The following EPB41L5 variants were observed in gnomAD, a reference collection of about 807,000 sequenced individuals.
The protein encoded by EPB41L5 is erythrocyte membrane protein band 4.1 like 5.
A neutral mutation model predicts 106.6 loss-of-function variants in EPB41L5; 55 were observed. The ratio of observed to expected loss-of-function variants is 0.52; its 90% confidence interval spans 0.42 to 0.65. The LOEUF (loss-of-function observed/expected upper bound fraction) is 0.65, where lower values mean the gene tolerates loss of function less well. Among genes scored for constraint, EPB41L5 ranks in the 30% least tolerant of loss-of-function variants. The pLI, the probability that EPB41L5 is intolerant of heterozygous loss-of-function variation, is 0.00. For missense variants in EPB41L5, 871 were observed against 882.1 expected (o/e 0.99, Z 0.16); for synonymous variants, 297 against 306.7 (o/e 0.97, Z 0.33).
At chr2:120,170,264 A>C (rs766480285) in intron 24 of EPB41L5, among the ~76,000 whole-genome samples, 1 of 152,246 alleles carries the variant, frequency 6.6e-6, no homozygotes, top group Non-Finnish European at 1.5e-5. Flanking sequence ...CTTACCACAA[A>C]ACTTAGCAGC....
chr2:120,118,080 C>G (rs991813571), intron 16 of EPB41L5, among the ~76,000 whole-genome samples: 1 of 152,090 alleles, frequency 6.6e-6, no homozygotes, highest in African/African-American at 2.4e-5. Flanking sequence ...TAGAGTTTTC[C>G]TCACTGCTAC....
chr2:120,105,979 A>C (rs1684430677), intron 16 of EPB41L5: 1 of 985,254 alleles, frequency 1.0e-6, no homozygotes, highest in Non-Finnish European at 1.2e-6. Flanking sequence ...ATTTGACTTC[A>C]CTCACTTTAA....
At chr2:120,050,270 G>C (rs1680138603) in intron 3 of EPB41L5, among the ~76,000 whole-genome samples, 1 of 152,262 alleles carries the variant, frequency 6.6e-6, no homozygotes, top group South Asian at 2.1e-4. Flanking sequence ...TTCCAGCTTG[G>C]TTCCATTCTC....
At chr2:120,169,958 C>T (rs1687599226) in intron 24 of EPB41L5, among the ~76,000 whole-genome samples, 1 of 152,116 alleles carries the variant, frequency 6.6e-6, no homozygotes, top group Non-Finnish European at 1.5e-5. Flanking sequence ...TTGGAGTAAC[C>T]ACATTGGAAA....
chr2:120,152,302 T>C (rs1686716254), intron 20 of EPB41L5, among the ~76,000 whole-genome samples: 1 of 152,236 alleles, frequency 6.6e-6, no homozygotes, highest in Non-Finnish European at 1.5e-5. Context: ...CTTCTTTCTG[T>C]TAATATGGTG....
intron 18 of EPB41L5, among the ~76,000 whole-genome samples, chr2:120,139,405 G>GA (rs1686077136): frequency 6.6e-6 from 1 of 151,948 alleles, no homozygotes; most frequent in African/African-American, 2.4e-5. Flanking sequence ...CAGAATGGTA[G>GA]AAAATATCTG....
chr2:120,077,827 A>T (rs1298192856), intron 9 of EPB41L5, among the ~76,000 whole-genome samples: 1 of 152,150 alleles, frequency 6.6e-6, no homozygotes, highest in Non-Finnish European at 1.5e-5. Context: ...ATAAAGACAT[A>T]AATTTATAAA....
intron 2 of EPB41L5, among the ~76,000 whole-genome samples, chr2:120,034,635 T>A (rs1011706123): frequency 1.3e-5 from 2 of 151,648 alleles, no homozygotes. Context: ...GCTGAGGCAG[T>A]CAAGACCAGA....
intron 16 of EPB41L5, chr2:120,105,541 A>G (rs1229416263): frequency 2.0e-6 from 2 of 985,142 alleles, no homozygotes; most frequent in Non-Finnish European, 2.4e-6. Context: ...TAGAAGACCT[A>G]AATAAGCAGA....
intron 16 of EPB41L5, chr2:120,108,504 G>C (rs939013105): frequency 2.0e-5 from 3 of 152,106 alleles, no homozygotes; most frequent in South Asian, 4.2e-4. Flanking sequence ...AATAATAAAT[G>C]CAAAATATTT....
intron 16 of EPB41L5, among the ~76,000 whole-genome samples, chr2:120,102,867 A>G (rs1684230493): frequency 6.6e-6 from 1 of 152,218 alleles, no homozygotes; most frequent in African/African-American, 2.4e-5. Context: ...GTAAGCAACA[A>G]CAGAAACAAA....
At chr2:120,118,987 A>G (rs1164566631) in intron 16 of EPB41L5, among the ~76,000 whole-genome samples, 2 of 152,152 alleles carry the variant, frequency 1.3e-5, no homozygotes, top group African/African-American at 4.8e-5. Context: ...CCACAACCTC[A>G]CCAGCATCTG....
At chr2:120,144,962 T>C (rs1446908059) in intron 19 of EPB41L5, among the ~76,000 whole-genome samples, 1 of 152,196 alleles carries the variant, frequency 6.6e-6, no homozygotes, top group Admixed American at 6.5e-5. Context: ...ATAAAAACTC[T>C]CAGCAAACTA....
intron 10 of EPB41L5, among the ~76,000 whole-genome samples, chr2:120,079,318 C>T (rs1303767107): frequency 6.6e-6 from 1 of 152,202 alleles, no homozygotes; most frequent in Non-Finnish European, 1.5e-5. Flanking sequence ...CATGAAACTG[C>T]ACCCTAACAT....
At chr2:120,031,552 G>A (rs1196465636) in intron 2 of EPB41L5, among the ~76,000 whole-genome samples, 1 of 152,082 alleles carries the variant, frequency 6.6e-6, no homozygotes, top group Non-Finnish European at 1.5e-5. Context: ...TTTCCAGTTT[G>A]TTCATTTTCA....
chr2:120,063,527 C>T (rs1178456711), intron 3 of EPB41L5, among the ~76,000 whole-genome samples: 1 of 151,976 alleles, frequency 6.6e-6, no homozygotes, highest in African/African-American at 2.4e-5. Context: ...CCATATTACC[C>T]CTATAGAGTG....
In EPB41L5 at chr2:120,019,101, G is replaced by A. The variant is rs200315720; in HGVS notation, c.17G>A (p.Arg6His). The A allele has an allele frequency of 2.0e-4, 322 of 1,601,876 alleles. No homozygotes were observed. Among genetic ancestry groups the A allele is most frequent in the Non-Finnish European group, 2.5e-4 (297 of 1,176,360 alleles). Residue 6 changes from arginine (R) to histidine (H), a missense_variant, in exon 2 of 25, where the codon CGT becomes CAT. Coordinates refer to ENST00000263713, the MANE Select transcript of EPB41L5 (RefSeq NM_020909.4). ...GTGACAAAAATGCTGAGTTTCTTCC[G>A]TAGAACACTAGGGCGTCGGTCTATG... MLSFF[R>H]RTLGRRSMRK...
At chr2:120,060,204 A>G (rs76081491) in intron 3 of EPB41L5, among the ~76,000 whole-genome samples, 1 of 152,218 alleles carries the variant, frequency 6.6e-6, no homozygotes, top group Admixed American at 6.5e-5. Flanking sequence ...ATAATCTGGC[A>G]GTTTCTTTTA....
chr2:120,099,190 A>G (rs1030619435), intron 14 of EPB41L5, among the ~76,000 whole-genome samples: 4 of 152,110 alleles, frequency 2.6e-5, no homozygotes, highest in Non-Finnish European at 5.9e-5. Flanking sequence ...TATTTTTTAC[A>G]TTAGTTGAAT....
Sources: gnomAD v4.1 joint callset for allele counts (sites outside exome capture counted in the v4.1 genomes callset) on GRCh38, gnomAD v4.1.1 for gene constraint, MANE v1.5 for transcripts, NCBI Gene and HGNC (gene_info 2026-07-23, HGNC 2026-07-21) for gene names.